Variants in CREBRF observed in about 807,000 individuals in gnomAD.
The protein encoded by CREBRF is UPF0474 protein C5orf41.
Under a neutral mutation model 66.1 loss-of-function variants are expected in CREBRF, and 5 were observed. The ratio of observed to expected loss-of-function variants is 0.08; its 90% CI spans 0.04 to 0.16. The LOEUF is 0.16. Ranked by LOEUF, CREBRF falls within the 10% of genes least tolerant of loss-of-function variation. The pLI, the probability that CREBRF is intolerant of heterozygous loss-of-function variation, is 1.00. For missense variants in CREBRF, 531 were observed against 744.9 expected, an observed-to-expected ratio of 0.71 and a Z score of 3.34; for synonymous variants, 229 against 264.4, an observed-to-expected ratio of 0.87 and a Z score of 1.30.
intron 2 of CREBRF, chr5:173,085,723 T>C: frequency 1.3e-6 from 1 of 759,008 alleles, no homozygotes; most frequent in South Asian, 1.4e-5. Context: ...GGCCATCAGA[T>C]ACATTCTTTA....
chr5:173,062,393 A>C (rs1207479773), intron 1 of CREBRF, among the ~76,000 whole-genome samples: 1 of 152,226 alleles, frequency 6.6e-6, no homozygotes, highest in Non-Finnish European at 1.5e-5. Context: ...AAAGTCTACT[A>C]TTAGAGATGT....
Position 173,137,324 on chromosome 5 carries a change from T to C in CREBRF, c.*3579T>C, listed in dbSNP as rs1016878515. On this transcript the variant is annotated 3_prime_UTR_variant, in exon 9 of 9. Transcript: ENST00000296953. ...CATCATGAAGGATTTCAGATGGGTA[T>C]GGTTTCAAATTCCCTCTCTTTATAG... 1 of 152,118 alleles carries C rather than the reference T, an allele frequency of 6.6e-6. No individual in the cohort carries two copies. The highest frequency in any genetic ancestry group is 1.5e-5 in the Non-Finnish European group (1 of 67,958). The allele number at this position is 152,118 out of a possible 1,614,324, so 9.4% of individuals were successfully genotyped here. A position where few individuals can be genotyped will look rare whatever the true frequency, so the allele number is the denominator to read the frequency against.
At chr5:173,099,931 T>A (rs1758574454) in intron 4 of CREBRF, among the ~76,000 whole-genome samples, 1 of 144,694 alleles carries the variant, frequency 6.9e-6, no homozygotes, top group Non-Finnish European at 1.5e-5. Flanking sequence ...TGCTCTGTCA[T>A]CCAGGCTGGA....
chr5:173,123,356 T>C, intron 8 of CREBRF, 154 bp downstream of exon 8: 1 of 626,046 alleles, frequency 1.6e-6, no homozygotes, highest in African/African-American at 2.0e-5. Context: ...TTTTGAGATT[T>C]AGTGTTCATA....
At chr5:173,074,974 G>C (rs1329341064) in intron 1 of CREBRF, among the ~76,000 whole-genome samples, 1 of 152,116 alleles carries the variant, frequency 6.6e-6, no homozygotes, top group African/African-American at 2.4e-5. Context: ...CTATTACATT[G>C]ATCAGGTATA....
chr5:173,138,284 G>A lies in CREBRF; in HGVS notation c.*4539G>A, dbSNP rs1399774100. The A allele has an allele frequency of 1.3e-5, 2 of 152,138 alleles. No individual in the cohort carries two copies. Among genetic ancestry groups the A allele is most frequent in the Non-Finnish European group, 2.9e-5 (2 of 68,022 alleles). The allele number at this position is 152,138 out of a possible 1,614,324, so 9.4% of individuals were successfully genotyped here. On this transcript the variant is annotated 3_prime_UTR_variant, in exon 9 of 9. Coordinates refer to ENST00000296953, the MANE Select transcript of CREBRF (RefSeq NM_153607.3). ...ACAATGAATGTCAACTGTAGGAATG[G>A]TGGTTTCGTTTTAAGGAATAAGCAT...
intron 7 of CREBRF, among the ~76,000 whole-genome samples, chr5:173,121,006 A>G (rs984731677): frequency 3.3e-5 from 5 of 151,864 alleles, no homozygotes; most frequent in African/African-American, 1.2e-4. Flanking sequence ...CTGGCTTCTT[A>G]TGTGGATTTT....
chr5:173,063,302 T>C (rs1006703855), intron 1 of CREBRF, among the ~76,000 whole-genome samples: 1 of 152,186 alleles, frequency 6.6e-6, no homozygotes, highest in African/African-American at 2.4e-5. Flanking sequence ...AAAACCACTT[T>C]TATATCTTTT....
intron 4 of CREBRF, among the ~76,000 whole-genome samples, chr5:173,093,891 T>C (rs954117541): frequency 3.3e-5 from 5 of 152,190 alleles, no homozygotes; most frequent in Admixed American, 6.5e-5. Flanking sequence ...ACTGAAACTT[T>C]GTACCTTTTG....
chr5:173,090,301 A>C lies in CREBRF; in HGVS notation c.136-14A>C. On this transcript the variant is annotated splice_polypyrimidine_tract_variant and intron_variant, in intron 3 of 8. Transcript: ENST00000296953. This position sits in a 1 kb window ranked among gnomAD's most constrained non-coding sequence, Gnocchi z 4.5. ...AAATATGATGTGCAATTTCTTTTTT[A>C]AAACCTTTCTCAGGATAGAGAGATG... 1 of 1,560,648 alleles carries C rather than the reference A, an allele frequency of 6.4e-7. No homozygotes were observed. The highest frequency in any genetic ancestry group is 2.3e-5 in the East Asian group (1 of 43,962).
intron 1 of CREBRF, among the ~76,000 whole-genome samples, chr5:173,068,354 G>A (rs1757495740): frequency 6.6e-6 from 1 of 152,144 alleles, no homozygotes; most frequent in African/African-American, 2.4e-5. Flanking sequence ...GACAAGTATG[G>A]TATAAACTCT....
intron 7 of CREBRF, among the ~76,000 whole-genome samples, chr5:173,119,090 C>T (rs1189914708): frequency 1.3e-5 from 2 of 152,088 alleles, no homozygotes; most frequent in Non-Finnish European, 2.9e-5. Context: ...ATCTTTAAGT[C>T]AGGTAGGGCT....
chr5:173,126,938 A>G (rs886636089), intron 8 of CREBRF, among the ~76,000 whole-genome samples: 1 of 152,034 alleles, frequency 6.6e-6, no homozygotes, highest in Non-Finnish European at 1.5e-5. Flanking sequence ...TGTAATCCCA[A>G]CACTTTGGGA....
intron 1 of CREBRF, among the ~76,000 whole-genome samples, chr5:173,078,767 C>A (rs1757846437): frequency 6.6e-6 from 1 of 152,048 alleles, no homozygotes; most frequent in South Asian, 2.1e-4. Flanking sequence ...TCAAGTGATC[C>A]ACCTGCCTTA....
At chr5:173,127,993 T>C (rs774839222) in intron 8 of CREBRF, among the ~76,000 whole-genome samples, 2 of 152,202 alleles carry the variant, frequency 1.3e-5, no homozygotes, top group African/African-American at 2.4e-5. Context: ...TATAGGTTAT[T>C]CTACTTTCTC....
intron 8 of CREBRF, chr5:173,124,175 A>T (rs1203399723): frequency 6.6e-6 from 1 of 152,206 alleles, no homozygotes; most frequent in Non-Finnish European, 1.5e-5. Flanking sequence ...CAGTTTTACC[A>T]GGTATAAAAT....
rs565346604 is a variant in CREBRF at position 173,135,936 on chromosome 5, A to G, written c.*2191A>G. 1.3e-4 allele frequency: 20 copies of G among 152,586 alleles called. No individual in the cohort carries two copies. The South Asian group carries it at 4.1e-3, about 32-fold the overall frequency. 9.5% of individuals were successfully genotyped at this position (152,586 alleles called of 1,614,324 possible). A position where few individuals can be genotyped will look rare whatever the true frequency, so the allele number is the denominator to read the frequency against. On this transcript the variant is annotated 3_prime_UTR_variant, in exon 9 of 9. Transcript: ENST00000296953. Reference sequence around the variant, plus strand: ...TAAACAGATGATAAGCTCAAGTCTGATGGTTTAATAGAATGTAAGTTCATC... The same window carrying G: ...TAAACAGATGATAAGCTCAAGTCTGGTGGTTTAATAGAATGTAAGTTCATC...
intron 2 of CREBRF, chr5:173,085,781 A>G: frequency 1.3e-6 from 1 of 776,070 alleles, no homozygotes. Context: ...GATGGCCTTC[A>G]GGTCATGGGT....
At chr5:173,081,703 A>G (rs773783446) in intron 2 of CREBRF, among the ~76,000 whole-genome samples, 4 of 152,138 alleles carry the variant, frequency 2.6e-5, no homozygotes, top group Non-Finnish European at 5.9e-5. Flanking sequence ...CAGGCGGATC[A>G]CAGGTCAGGA....
Sources: gnomAD v4.1 joint callset for allele counts (sites outside exome capture counted in the v4.1 genomes callset) on GRCh38, gnomAD v4.1.1 for gene constraint, Gnocchi (gnomAD v3.1) non-coding constraint, MANE v1.5 for transcripts, NCBI Gene and HGNC (gene_info 2026-07-23, HGNC 2026-07-21) for gene names.